The following DLGAP1 variants were observed in gnomAD, a reference collection of about 807,000 sequenced individuals.
DLGAP1 encodes DLG associated protein 1.
A neutral mutation model predicts 90.8 loss-of-function variants in DLGAP1; 11 were observed. The observed-to-expected ratio is 0.12, with a 90% confidence interval of 0.08 to 0.20. The LOEUF is 0.20. Among genes scored for constraint, DLGAP1 ranks in the 10% least tolerant of loss-of-function variants. The pLI is 1.00. For missense variants in DLGAP1, 1,050 were observed against 1,333.8 expected, an observed-to-expected ratio of 0.79 and a Z score of 3.31; for synonymous variants, 558 against 540.7, an observed-to-expected ratio of 1.03 and a Z score of -0.44.
intron 2 of DLGAP1, among the ~76,000 whole-genome samples, chr18:4,115,120 C>G (rs1464291911): frequency 6.6e-6 from 1 of 151,908 alleles, no homozygotes; most frequent in Non-Finnish European, 1.5e-5. Context: ...ATAATATATG[C>G]ATTATTCTCT....
rs781334454 is a variant in DLGAP1, at chr18:3,508,642, G to A, written c.2499C>T (p.Thr833=). Reference sequence around the variant, plus strand: ...TGAGAAGTTGGGCACTGCCCACTGCGGTTCGGATTTTTCCTAGAACTGGAA... The same window carrying A: ...TGAGAAGTTGGGCACTGCCCACTGCAGTTCGGATTTTTCCTAGAACTGGAA... The part of the protein sequence containing the change: ...LPEDILGKIR[T]AVGSAQLLMA... Residue 833 remains threonine (T), a synonymous_variant, in exon 11 of 13, where the codon ACC becomes ACT. Coordinates refer to ENST00000315677, the MANE Select transcript of DLGAP1 (RefSeq NM_004746.4). 6.8e-6 allele frequency: 11 copies of A among 1,613,594 alleles called. No individual in the cohort carries two copies. The highest frequency in any genetic ancestry group is 1.7e-5 in the Admixed American group (1 of 59,918).
intron 10 of DLGAP1, among the ~76,000 whole-genome samples, chr18:3,523,438 T>C (rs1481005117): frequency 6.8e-6 from 1 of 147,482 alleles, no homozygotes; most frequent in Non-Finnish European, 1.5e-5. Flanking sequence ...CGGGAAAAAA[T>C]ATTTGCAAAC....
rs554671947 is a variant in DLGAP1 at position 3,777,418 on chromosome 18, A to G, written c.1173-34906T>C. On this transcript the variant is annotated intron_variant, in intron 5 of 12. Coordinates refer to ENST00000315677, the MANE Select transcript of DLGAP1 (RefSeq NM_004746.4). ...AACTGAATATGTTAGAGACAAAAAC[A>G]AAGTGTAGATAATTTTATAAAAGTG... is the stretch of plus-strand genomic sequence containing the variant. Among the ~76,000 whole-genome samples the G allele has an allele frequency of 1.0e-3, 155 of 152,350 alleles. 1 individual carries two copies. The highest frequency in any genetic ancestry group is 3.6e-3 in the African/African-American group (151 of 41,580).
chr18:3,772,886 A>G (rs908266238), intron 5 of DLGAP1, among the ~76,000 whole-genome samples: 4 of 152,296 alleles, frequency 2.6e-5, no homozygotes, highest in Admixed American at 2.0e-4. Flanking sequence ...TAAGCCCCCG[A>G]TAACTCCAGT....
chr18:3,794,329 C>T (rs2065880927), intron 5 of DLGAP1, among the ~76,000 whole-genome samples: 1 of 152,212 alleles, frequency 6.6e-6, no homozygotes, highest in Non-Finnish European at 1.5e-5. Context: ...ACAGAAGAGA[C>T]TCAGTGCAGC....
At chr18:3,692,491 C>T (rs2060931354) in intron 7 of DLGAP1, among the ~76,000 whole-genome samples, 1 of 152,178 alleles carries the variant, frequency 6.6e-6, no homozygotes, top group Non-Finnish European at 1.5e-5. Context: ...CCTTCACTCC[C>T]AATTTACAGC....
chr18:3,663,147 T>G (rs1162447405), intron 7 of DLGAP1, among the ~76,000 whole-genome samples: 1 of 152,070 alleles, frequency 6.6e-6, no homozygotes, highest in Non-Finnish European at 1.5e-5. Flanking sequence ...GGTGCATGCC[T>G]GTAATCCCAG....
At chr18:3,975,490 C>T (rs901783450) in intron 3 of DLGAP1, among the ~76,000 whole-genome samples, 11 of 152,078 alleles carry the variant, frequency 7.2e-5, no homozygotes, top group Admixed American at 5.2e-4. Context: ...AACCCTTGAA[C>T]GCACTCACTG....
At chr18:4,080,015 A>C (rs1166192364) in intron 2 of DLGAP1, among the ~76,000 whole-genome samples, 7 of 152,160 alleles carry the variant, frequency 4.6e-5, no homozygotes, top group African/African-American at 1.7e-4. Context: ...ATGGATAAGA[A>C]TCACTAGCTT....
At chr18:3,809,682 G>A (rs1037016775) in intron 5 of DLGAP1, among the ~76,000 whole-genome samples, 1 of 152,206 alleles carries the variant, frequency 6.6e-6, no homozygotes, top group Non-Finnish European at 1.5e-5. Context: ...TGGATAAAGA[G>A]ATGAAGTATT....
intron 7 of DLGAP1, among the ~76,000 whole-genome samples, chr18:3,606,016 GAAAAA>G (rs1008016765): frequency 6.6e-6 from 1 of 150,520 alleles, no homozygotes; most frequent in African/African-American, 2.4e-5. Flanking sequence ...GGGACATTAA[GAAAAA>G]AAAAGGTCTC....
At chr18:3,747,334 C>T (rs935176028) in intron 5 of DLGAP1, among the ~76,000 whole-genome samples, 1 of 152,168 alleles carries the variant, frequency 6.6e-6, no homozygotes, top group Admixed American at 6.5e-5. Flanking sequence ...CCAGCTGCAT[C>T]GCTTTATAAT....
chr18:4,060,036 A>T (rs2075277927), intron 2 of DLGAP1, among the ~76,000 whole-genome samples: 1 of 152,200 alleles, frequency 6.6e-6, no homozygotes, highest in Non-Finnish European at 1.5e-5. Flanking sequence ...AGCCCCGCAC[A>T]ACTTGCTCCC....
intron 4 of DLGAP1, among the ~76,000 whole-genome samples, chr18:3,877,573 T>G (rs1025688732): frequency 6.6e-6 from 1 of 152,212 alleles, no homozygotes; most frequent in East Asian, 1.9e-4. Context: ...AAGACAGATA[T>G]CCTTATCGAA....
intron 3 of DLGAP1, among the ~76,000 whole-genome samples, chr18:3,934,703 A>T (rs768022456): frequency 6.6e-6 from 1 of 152,228 alleles, no homozygotes; most frequent in African/African-American, 2.4e-5. Flanking sequence ...ATTTAGAACC[A>T]AACAGAGGCC....
intron 7 of DLGAP1, among the ~76,000 whole-genome samples, chr18:3,685,563 CAAAAAAAAAA>C (rs59737533): frequency 0.024 from 1,817 of 76,574 alleles, 39 homozygotes; most frequent in Non-Finnish European, 0.028. Flanking sequence ...GATTCCGTCT[CAAAAAAAAAA>C]AAAAAAAAAA....
intron 2 of DLGAP1, among the ~76,000 whole-genome samples, chr18:4,067,749 A>C (rs1204522762): frequency 2.0e-5 from 3 of 152,040 alleles, no homozygotes; most frequent in African/African-American, 7.2e-5. Flanking sequence ...TAACCCCTTC[A>C]AGCAATTGCC....
At chr18:3,794,858 T>C (rs2065907664) in intron 5 of DLGAP1, among the ~76,000 whole-genome samples, 1 of 152,190 alleles carries the variant, frequency 6.6e-6, no homozygotes, top group Non-Finnish European at 1.5e-5. Context: ...GGAGAAAAAG[T>C]GCGTCACTGG....
At chr18:3,687,895 T>C (rs1257567437) in intron 7 of DLGAP1, among the ~76,000 whole-genome samples, 3 of 149,448 alleles carry the variant, frequency 2.0e-5, no homozygotes, top group Non-Finnish European at 3.0e-5. Flanking sequence ...ATTATCCCAA[T>C]CCTCAGAGAC....
Sources: gnomAD v4.1 joint callset for allele counts (sites outside exome capture counted in the v4.1 genomes callset) on GRCh38, gnomAD v4.1.1 for gene constraint, MANE v1.5 for transcripts, NCBI Gene and HGNC (gene_info 2026-07-23, HGNC 2026-07-21) for gene names.